The following C10orf53 variants were observed in gnomAD, a reference collection of about 807,000 sequenced individuals.
The protein encoded by C10orf53 is chromosome 10 open reading frame 53.
C10orf53 carries 8 observed loss-of-function variants against 9.4 expected under a neutral mutation model. That is an observed-to-expected ratio of 0.85 (90% CI 0.50 to 1.53). The LOEUF (loss-of-function observed/expected upper bound fraction) is 1.53. C10orf53 is among the 40% of genes most tolerant of loss of function. The pLI, the probability that C10orf53 is intolerant of heterozygous loss-of-function variation, is 0.00. For missense variants in C10orf53, 117 were observed against 117.8 expected (o/e 0.99, Z 0.03); for synonymous variants, 48 against 46.0 (o/e 1.04, Z -0.18).
At chr10:49,679,885 C>T (rs1840463331) in intron 1 of C10orf53, 91 bp downstream of exon 1, 4 of 1,117,768 alleles carry the variant, frequency 3.6e-6, no homozygotes, top group Non-Finnish European at 1.2e-6. Context: ...CCTCAGACCC[C>T]CACGAAGCGC....
chr10:49,707,283 T>C (rs981952204), intron 2 of C10orf53, among the ~76,000 whole-genome samples: 1 of 152,166 alleles, frequency 6.6e-6, no homozygotes, highest in Admixed American at 6.5e-5. Flanking sequence ...AGGAGAGAAG[T>C]GGCCAAGACT....
intron 2 of C10orf53, chr10:49,694,262 C>A: frequency 1.7e-6 from 1 of 587,560 alleles, no homozygotes; most frequent in Middle Eastern, 4.4e-4. Flanking sequence ...TCTATCTAGA[C>A]TTGCTAAGAC....
At chr10:49,683,685 G>A (rs1196640063) in intron 1 of C10orf53, among the ~76,000 whole-genome samples, 1 of 152,104 alleles carries the variant, frequency 6.6e-6, no homozygotes, top group Non-Finnish European at 1.5e-5. Context: ...GACCAGCCTG[G>A]TTTGAAGTTC....
chr10:49,679,883 C>A, intron 1 of C10orf53, 89 bp downstream of exon 1: 1 of 1,185,188 alleles, frequency 8.4e-7, no homozygotes, highest in Admixed American at 3.5e-5. Flanking sequence ...TTCCTCAGAC[C>A]CCCACGAAGC....
chr10:49,685,956 C>G (rs1489734463), intron 1 of C10orf53, among the ~76,000 whole-genome samples: 2 of 152,100 alleles, frequency 1.3e-5, no homozygotes, highest in Admixed American at 6.6e-5. Context: ...CTGGGACTTT[C>G]ACTAGGTATA....
chr10:49,687,422 T>C (rs531492334), intron 1 of C10orf53, among the ~76,000 whole-genome samples: 47 of 152,320 alleles, frequency 3.1e-4, no homozygotes, highest in African/African-American at 9.6e-4. Context: ...GCCTACATTT[T>C]TGGCACTTCT....
At chr10:49,701,735 C>G (rs1427245322), downstream of C10orf53, among the ~76,000 whole-genome samples, 1 of 152,160 alleles carries the variant, frequency 6.6e-6, no homozygotes, top group Non-Finnish European at 1.5e-5. Context: ...CACTCCCACC[C>G]CCATGGCACC....
chr10:49,696,831 T>C lies in C10orf53; in HGVS notation c.*2229T>C, dbSNP rs1840639919. 6.6e-6 allele frequency among the ~76,000 whole-genome samples: 1 copy of C among 152,130 alleles called. No homozygotes were observed. The highest frequency in any genetic ancestry group is 2.1e-4 in the South Asian group (1 of 4,824). The stretch of plus-strand genomic sequence containing the variant: ...TATTCTGCCTTCCGTATTGTAAATG[T>C]TTTTAGTGGTGGAATTGATTTTCAC... On this transcript the variant is annotated 3_prime_UTR_variant, in exon 3 of 3. Transcript: ENST00000374111.
chr10:49,679,901 C>T (rs1040805364), intron 1 of C10orf53, 107 bp downstream of exon 1: 12 of 1,019,550 alleles, frequency 1.2e-5, no homozygotes, highest in Non-Finnish European at 1.2e-5. Context: ...AGCGCCACCT[C>T]TCCAGGAAGT....
At chr10:49,682,194 C>T (rs1038361438) in intron 1 of C10orf53, among the ~76,000 whole-genome samples, 8 of 152,198 alleles carry the variant, frequency 5.3e-5, no homozygotes, top group South Asian at 2.1e-4. Flanking sequence ...TCACTATTCT[C>T]TCTTTTTAAA....
In C10orf53 at chr10:49,689,329, T is replaced by C. The variant is rs191903335; in HGVS notation, c.98-4445T>C. Reference sequence around the variant, plus strand: ...AAAATTACCAGTGGGCTCCAAACTATTGAGTAGAGGTGATTTCTAGGAGAG... The same window carrying C: ...AAAATTACCAGTGGGCTCCAAACTACTGAGTAGAGGTGATTTCTAGGAGAG... On this transcript the variant is annotated intron_variant, in intron 1 of 2. Transcript: ENST00000374111. Among the ~76,000 whole-genome samples the C allele has an allele frequency of 4.6e-5, 7 of 152,262 alleles. No homozygotes were observed. The East Asian group carries it at 1.2e-3, about 25-fold the overall frequency.
chr10:49,692,305 C>G (rs1381708032), intron 1 of C10orf53, among the ~76,000 whole-genome samples: 1 of 152,178 alleles, frequency 6.6e-6, no homozygotes, highest in Admixed American at 6.5e-5. Flanking sequence ...CTATGGGTAC[C>G]CAGGGAGTGC....
intron 2 of C10orf53, among the ~76,000 whole-genome samples, chr10:49,705,183 C>T (rs1408566449): frequency 6.6e-5 from 10 of 152,022 alleles, no homozygotes; most frequent in African/African-American, 2.4e-4. Context: ...AATATATATA[C>T]TGTATGATTT....
At chr10:49,694,367 G>A in intron 2 of C10orf53, 171 bp from the exon 3 acceptor site, 1 of 937,200 alleles carries the variant, frequency 1.1e-6, no homozygotes, top group Non-Finnish European at 1.6e-6. Context: ...GCCTCTCTGT[G>A]CTCAGAAGTT....
chr10:49,702,616 T>A (rs1840692475), intron 2 of C10orf53, among the ~76,000 whole-genome samples: 1 of 152,194 alleles, frequency 6.6e-6, no homozygotes, highest in Non-Finnish European at 1.5e-5. Flanking sequence ...TATTTGGACT[T>A]AAACTACCAC....
At chr10:49,682,461 T>C (rs1379838668) in intron 1 of C10orf53, among the ~76,000 whole-genome samples, 2 of 152,130 alleles carry the variant, frequency 1.3e-5, no homozygotes, top group Admixed American at 6.5e-5. Context: ...CTCTTAAAGG[T>C]GGTGCAGACC....
chr10:49,683,569 T>C (rs895770971), intron 1 of C10orf53, among the ~76,000 whole-genome samples: 2 of 152,220 alleles, frequency 1.3e-5, no homozygotes, highest in African/African-American at 4.8e-5. Flanking sequence ...TTGCCTGTGA[T>C]ATGCTGTTTA....
intron 1 of C10orf53, among the ~76,000 whole-genome samples, chr10:49,682,835 C>T (rs558274436): frequency 3.3e-5 from 5 of 152,320 alleles, no homozygotes; most frequent in Admixed American, 2.6e-4. Context: ...CCACCCCCAG[C>T]CCCTGGTAAC....
In C10orf53 at chr10:49,694,585, G is replaced by A. The variant is rs746055820; in HGVS notation, c.265G>A (p.Val89Met). Residue 89 changes from valine (V) to methionine (M), a missense_variant, in exon 3 of 3, where the codon GTG becomes ATG. Val to Met is a conservative substitution (Grantham distance 21). Transcript: ENST00000374111. ...DPLCEKARIAVLNAY is the reference protein window; with the variant it reads ...DPLCEKARIAMLNAY The stretch of plus-strand genomic sequence containing the variant: ...ACTGTGTGAAAAGGCCAGGATAGCC[G>A]TGCTGAATGCCTACTGATCTCCTCA... The A allele has an allele frequency of 1.2e-5, 20 of 1,614,108 alleles. No individual in the cohort carries two copies. Among genetic ancestry groups the A allele is most frequent in the Middle Eastern group, 1.6e-4 (1 of 6,084 alleles).
Sources: allele counts gnomAD v4.1 joint callset (sites outside exome capture counted in the v4.1 genomes callset), GRCh38; gene constraint gnomAD v4.1.1; transcripts MANE v1.5; gene names NCBI Gene and HGNC (gene_info 2026-07-23, HGNC 2026-07-21).